The following PNLIPRP1 variants were observed in gnomAD, a reference collection of about 807,000 sequenced individuals.
The protein encoded by PNLIPRP1 is inactive pancreatic lipase-related protein 1.
A neutral mutation model predicts 54.6 loss-of-function variants in PNLIPRP1; 57 were observed. The ratio of observed to expected loss-of-function variants is 1.04; its 90% CI spans 0.84 to 1.30. The LOEUF is 1.30. Among genes scored for constraint, PNLIPRP1 ranks in the 50% most tolerant of loss-of-function variants. PNLIPRP1 has a pLI of 0.00. For synonymous variants in PNLIPRP1, 232 were observed against 208.8 expected, an observed-to-expected ratio of 1.11 and a Z score of -0.96; for missense variants, 567 against 568.5, an observed-to-expected ratio of 1.00 and a Z score of 0.03.
Position 116,591,895 on chromosome 10 carries a change from G to A in PNLIPRP1, c.174G>A (p.Leu58=). ...AGAAGATCGGCACCCGCTTCCTGCT[G>A]TACACCAATGAAAACCCAAACAACT... ...SPEKIGTRFL[L]YTNENPNNFQ... Residue 58 remains leucine (L), a synonymous_variant, in exon 3 of 13, where the codon CTG becomes CTA. Transcript: ENST00000358834. 1.2e-6 allele frequency: 2 copies of A among 1,614,160 alleles called. No homozygotes were observed. Among genetic ancestry groups the A allele is most frequent in the South Asian group, 2.2e-5 (2 of 91,086 alleles).
chr10:116,605,898 C>T (rs1847928899), intron 12 of PNLIPRP1, among the ~76,000 whole-genome samples: 1 of 152,118 alleles, frequency 6.6e-6, no homozygotes, highest in Admixed American at 6.5e-5. Context: ...AGGAGAAGAC[C>T]AATTACATTT....
At position 116,594,770 on chromosome 10, in the gene PNLIPRP1, A is replaced by T. The variant is rs1847705174; in HGVS notation, c.371A>T (p.Asp124Val). 6.2e-7 allele frequency: 1 copy of T among 1,614,024 alleles called. No individual in the cohort carries two copies. The highest frequency in any genetic ancestry group is 1.1e-5 in the South Asian group (1 of 91,086). Residue 124 changes from aspartate to valine, a missense_variant, in exon 5 of 13, where the codon GAC becomes GTC. Coordinates refer to ENST00000358834, the MANE Select transcript of PNLIPRP1 (RefSeq NM_006229.4). The part of the protein sequence containing the change: ...EVEEVNCICV[D>V]WKKGSQATYT... ...GAGGAGGTGAACTGCATCTGCGTGG[A>T]CTGGAAGAAGGGCTCCCAAGCCACC... is the stretch of plus-strand genomic sequence containing the variant.
chr10:116,601,049 TC>T, intron 9 of PNLIPRP1, 22 bp from the exon 10 acceptor site: 1 of 1,594,794 alleles, frequency 6.3e-7, no homozygotes, highest in South Asian at 1.1e-5. Context: ...CTCCTTACAG[TC>T]CCATCTATCT....
intron 12 of PNLIPRP1, among the ~76,000 whole-genome samples, chr10:116,608,234 T>C (rs948631626): frequency 2.6e-5 from 4 of 152,108 alleles, no homozygotes; most frequent in Non-Finnish European, 5.9e-5. Context: ...AATACCCCAA[T>C]AAGGTTATTA....
chr10:116,595,999 G>T, intron 5 of PNLIPRP1: 1 of 517,158 alleles, frequency 1.9e-6, no homozygotes, highest in Non-Finnish European at 3.5e-6. Flanking sequence ...ATGTATTCGA[G>T]GGTCTGAAAG....
intron 4 of PNLIPRP1, 43 bp downstream of exon 4, chr10:116,592,584 C>T: frequency 1.2e-6 from 2 of 1,610,676 alleles, no homozygotes; most frequent in Admixed American, 1.7e-5. Context: ...GAGGCCAACA[C>T]TTCTGCTAAC....
In PNLIPRP1 at chr10:116,597,906, A is replaced by G; in HGVS notation, c.653A>G (p.Asp218Gly). ...GATCCCTCTGATGCTGACTTTGTTGATGTGATTCACACGGATGCAGCTCCC... is the reference window on the plus strand; with the variant it reads ...GATCCCTCTGATGCTGACTTTGTTGGTGTGATTCACACGGATGCAGCTCCC... The part of the protein sequence containing the change: ...RLDPSDADFV[D>G]VIHTDAAPLI... Residue 218 changes from aspartate (D) to glycine (G), a missense_variant, in exon 7 of 13, where the codon GAT becomes GGT. Asp to Gly is a moderately conservative substitution (Grantham distance 94). Coordinates refer to ENST00000358834, the MANE Select transcript of PNLIPRP1 (RefSeq NM_006229.4). 1 of 1,614,214 alleles carries G rather than the reference A, an allele frequency of 6.2e-7. No individual in the cohort carries two copies. Among genetic ancestry groups the G allele is most frequent in the Non-Finnish European group, 8.5e-7 (1 of 1,180,046 alleles).
In PNLIPRP1 at chr10:116,596,227, A is replaced by AC. The variant is rs781856147; in HGVS notation, c.485dup (p.Ser163PhefsTer43). On this transcript the variant is annotated frameshift_variant, in exon 6 of 13. Transcript: ENST00000358834. LOFTEE classifies it high-confidence loss of function. ...TTCCCTCTCCAGACAGAGTATAGCT[A>AC]CCCCCCTTCCAAAGTTCACCTCATT... 412 of 1,610,978 alleles carry AC rather than the reference A, an allele frequency of 2.6e-4. No homozygotes were observed. Among genetic ancestry groups the AC allele is most frequent in the Non-Finnish European group, 3.3e-4 (390 of 1,177,418 alleles).
At chr10:116,594,637 G>C (rs1416820816) in intron 4 of PNLIPRP1, 93 bp from the exon 5 acceptor site, 1 of 1,352,944 alleles carries the variant, frequency 7.4e-7, no homozygotes, top group Non-Finnish European at 1.1e-6. Context: ...CCCTAGCTAG[G>C]AGAAGAGAGA....
chr10:116,592,389 C>T (rs782605644), intron 3 of PNLIPRP1, 27 bp from the exon 4 acceptor site: 2 of 1,567,184 alleles, frequency 1.3e-6, no homozygotes, highest in Non-Finnish European at 1.7e-6. Flanking sequence ...GCTGCGAAAA[C>T]ATGAAGCACT....
intron 6 of PNLIPRP1, among the ~76,000 whole-genome samples, chr10:116,597,051 C>A (rs1188407900): frequency 1.3e-5 from 2 of 152,116 alleles, no homozygotes; most frequent in African/African-American, 4.8e-5. Flanking sequence ...AGATCCAGAC[C>A]TGGTTTTGCC....
At chr10:116,592,380 C>T in intron 3 of PNLIPRP1, 36 bp from the exon 4 acceptor site, 1 of 1,557,998 alleles carries the variant, frequency 6.4e-7, no homozygotes, top group East Asian at 2.3e-5. Context: ...TGAGGCTGGG[C>T]TGCGAAAACA....
chr10:116,591,158 T>G lies in PNLIPRP1; in HGVS notation c.29T>G (p.Phe10Cys). 8.1e-6 allele frequency: 13 copies of G among 1,613,664 alleles called. No homozygotes were observed. The highest frequency in any genetic ancestry group is 1.0e-5 in the Non-Finnish European group (12 of 1,179,862). The change falls in exon 2 of 13, where the codon TTC (phenylalanine) becomes TGC (cysteine). Residue 10 changes from phenylalanine to cysteine, a missense_variant. Coordinates refer to ENST00000358834, the MANE Select transcript of PNLIPRP1 (RefSeq NM_006229.4). MLIFWTITLFLLGAAKGKEV... is the reference protein window; with the variant it reads MLIFWTITLCLLGAAKGKEV... ...CTGATCTTCTGGACAATCACACTTT[T>G]CCTGCTGGGAGCAGCCAAAGGTAAG...
At chr10:116,603,972 G>A in intron 10 of PNLIPRP1, 58 bp from the exon 11 acceptor site, 1 of 940,710 alleles carries the variant, frequency 1.1e-6, no homozygotes, top group South Asian at 1.5e-5. Flanking sequence ...GACAAGTCTG[G>A]GATGTAGGCT....
intron 10 of PNLIPRP1, among the ~76,000 whole-genome samples, chr10:116,603,680 G>C (rs1847887368): frequency 6.6e-6 from 1 of 152,148 alleles, no homozygotes; most frequent in Admixed American, 6.5e-5. Context: ...ATCACTTGAG[G>C]TCAGGAGTTG....
chr10:116,604,377 C>A (rs1318791699), intron 11 of PNLIPRP1, among the ~76,000 whole-genome samples: 2 of 152,184 alleles, frequency 1.3e-5, no homozygotes, highest in Non-Finnish European at 2.9e-5. Flanking sequence ...CAAATACTTA[C>A]CATTGTGTTC....
chr10:116,603,371 G>A (rs1554865089), intron 10 of PNLIPRP1, among the ~76,000 whole-genome samples: 10 of 152,146 alleles, frequency 6.6e-5, no homozygotes, highest in Non-Finnish European at 1.5e-4. Flanking sequence ...CTGCAATGAG[G>A]GGCATATTCT....
At chr10:116,602,894 T>C (rs1357453957) in intron 10 of PNLIPRP1, among the ~76,000 whole-genome samples, 2 of 151,960 alleles carry the variant, frequency 1.3e-5, no homozygotes, top group African/African-American at 4.8e-5. Flanking sequence ...TAAATGTGTG[T>C]AGGTTTGTGT....
At position 116,598,079 on chromosome 10, in the gene PNLIPRP1, G is replaced by C; in HGVS notation, c.727G>C (p.Asp243His). The C allele has an allele frequency of 6.2e-7, 1 of 1,614,098 alleles. No individual in the cohort carries two copies. Among genetic ancestry groups the C allele is most frequent in the Non-Finnish European group, 8.5e-7 (1 of 1,180,020 alleles). ...AACGAACCAACAGATGGGTCATCTT[G>C]ACTTCTTCCCCAATGGAGGAGAGAG... ...FGTNQQMGHL[D>H]FFPNGGESMP... is the part of the protein sequence containing the mutation. Residue 243 changes from aspartate (D) to histidine (H), a missense_variant, in exon 8 of 13, where the codon GAC (aspartate) becomes CAC (histidine). Asp to His is a moderately conservative substitution (Grantham distance 81). Coordinates refer to ENST00000358834, the MANE Select transcript of PNLIPRP1 (RefSeq NM_006229.4).
Sources: allele counts gnomAD v4.1 joint callset (sites outside exome capture counted in the v4.1 genomes callset), GRCh38; gene constraint gnomAD v4.1.1; transcripts MANE v1.5; gene names NCBI Gene and HGNC (gene_info 2026-07-23, HGNC 2026-07-21).